Variants in CCNY observed in about 807,000 individuals in gnomAD.
The protein encoded by CCNY is cyclin-Y.
CCNY carries 19 observed loss-of-function variants against 42.8 expected under a neutral mutation model. That is an observed-to-expected ratio of 0.44 (90% confidence interval 0.31 to 0.65). CCNY has a LOEUF of 0.65. CCNY is among the 30% of genes least tolerant of loss of function. The pLI, the probability that CCNY is intolerant of heterozygous loss-of-function variation, is 0.07. For missense variants in CCNY, 370 were observed against 437.3 expected, an observed-to-expected ratio of 0.85 and a Z score of 1.37; for synonymous variants, 165 against 162.7, an observed-to-expected ratio of 1.01 and a Z score of -0.11.
chr10:35,485,990 C>T (rs549251913), intron 2 of CCNY, among the ~76,000 whole-genome samples: 12 of 152,276 alleles, frequency 7.9e-5, no homozygotes, highest in South Asian at 2.1e-4. Context: ...TGTCAACTGT[C>T]GTGTCTAACC....
chr10:35,352,822 G>A (rs1200477794), intron 1 of CCNY, among the ~76,000 whole-genome samples: 1 of 152,096 alleles, frequency 6.6e-6, no homozygotes, highest in African/African-American at 2.4e-5. Flanking sequence ...AAAGAGTGGT[G>A]AAGGGGGTGG....
intron 7 of CCNY, among the ~76,000 whole-genome samples, chr10:35,546,923 G>A (rs772188466): frequency 2.6e-5 from 4 of 152,224 alleles, no homozygotes; most frequent in Non-Finnish European, 4.4e-5. Context: ...AGCGCCTCAT[G>A]TCTGTAAAGG....
chr10:35,528,349 C>T (rs1038634511), intron 5 of CCNY, among the ~76,000 whole-genome samples: 1 of 152,184 alleles, frequency 6.6e-6, no homozygotes. Flanking sequence ...TGTGTCTGTG[C>T]TGCCTGTGTT....
chr10:35,558,621 G>T (rs1841406723), intron 8 of CCNY, among the ~76,000 whole-genome samples: 1 of 152,128 alleles, frequency 6.6e-6, no homozygotes. Context: ...AAATTAAAAT[G>T]GGGTCATTAG....
intron 2 of CCNY, among the ~76,000 whole-genome samples, chr10:35,249,597 T>G (rs2095710409): frequency 1.3e-5 from 2 of 152,232 alleles, no homozygotes; most frequent in Non-Finnish European, 2.9e-5. Flanking sequence ...CCCAAGATAC[T>G]GCTATATTCT....
intron 1 of CCNY, among the ~76,000 whole-genome samples, chr10:35,356,902 C>G (rs923850564): frequency 2.6e-5 from 4 of 152,266 alleles, no homozygotes; most frequent in African/African-American, 9.6e-5. Flanking sequence ...TAAATACATA[C>G]TCCTCCCCGT....
intron 2 of CCNY, among the ~76,000 whole-genome samples, chr10:35,492,043 G>C (rs1006171528): frequency 6.6e-6 from 1 of 152,064 alleles, no homozygotes; most frequent in African/African-American, 2.4e-5. Context: ...CTTCCTGCCT[G>C]GACTCTCGTT....
chr10:35,359,467 C>CA (rs1201990569), intron 1 of CCNY, among the ~76,000 whole-genome samples: 1 of 151,820 alleles, frequency 6.6e-6, no homozygotes, highest in Non-Finnish European at 1.5e-5. Flanking sequence ...AATATAACAT[C>CA]AAATTTACCA....
intron 1 of CCNY, among the ~76,000 whole-genome samples, chr10:35,351,057 C>T (rs115179038): frequency 0.022 from 3,363 of 152,270 alleles, 119 homozygotes; most frequent in African/African-American, 0.076. Context: ...GTCCATATAG[C>T]ACACAACTTT....
upstream of CCNY, among the ~76,000 whole-genome samples, chr10:35,334,521 G>A (rs1014621628): frequency 1.3e-5 from 2 of 151,670 alleles, no homozygotes; most frequent in Non-Finnish European, 2.9e-5. Flanking sequence ...CAGGAAGCAG[G>A]AAAATCTACA....
chr10:35,288,978 A>G (rs1835383236), intron 3 of CCNY, among the ~76,000 whole-genome samples: 2 of 152,206 alleles, frequency 1.3e-5, no homozygotes, highest in Admixed American at 6.5e-5. Context: ...TTCCATTTCA[A>G]AAATCCTTCT....
chr10:35,487,084 T>C (rs908968262), intron 2 of CCNY, among the ~76,000 whole-genome samples: 1 of 152,246 alleles, frequency 6.6e-6, no homozygotes, highest in Non-Finnish European at 1.5e-5. Context: ...CCTGACTGGT[T>C]GAAAGAAGGA....
chr10:35,319,156 G>T (rs1366400169), intron 3 of CCNY, among the ~76,000 whole-genome samples: 1 of 152,118 alleles, frequency 6.6e-6, no homozygotes, highest in African/African-American at 2.4e-5. Context: ...GTAGAGATGA[G>T]GTCTTGCTGT....
At chr10:35,279,542 G>C (rs1192828339) in intron 3 of CCNY, among the ~76,000 whole-genome samples, 3 of 152,152 alleles carry the variant, frequency 2.0e-5, no homozygotes, top group East Asian at 3.8e-4. Flanking sequence ...AAGGGTTAAG[G>C]GTGGAAAATA....
At chr10:35,358,139 C>A (rs2504360) in intron 1 of CCNY, among the ~76,000 whole-genome samples, 150,408 of 152,046 alleles carry the variant, frequency 0.99, 74,394 homozygotes, top group Middle Eastern at 1. Context: ...GTATGGATGT[C>A]ATACTTCCCT....
chr10:35,296,550 C>T (rs113341802), intron 3 of CCNY, among the ~76,000 whole-genome samples: 22 of 151,966 alleles, frequency 1.4e-4, no homozygotes, highest in African/African-American at 4.1e-4. Context: ...CACAGCACTC[C>T]GGCCTGGGCC....
intron 1 of CCNY, among the ~76,000 whole-genome samples, chr10:35,356,740 A>G (rs1288418580): frequency 1.3e-5 from 2 of 152,328 alleles, no homozygotes; most frequent in South Asian, 2.1e-4. Flanking sequence ...AGATGCAACA[A>G]GTTTTTCTAG....
chr10:35,537,076 ACTTGGTGCC>A (rs1840901514), intron 7 of CCNY, among the ~76,000 whole-genome samples: 1 of 152,186 alleles, frequency 6.6e-6, no homozygotes, highest in African/African-American at 2.4e-5. Context: ...CAGTCTAGGG[ACTTGGTGCC>A]CTGCATCCCA....
intron 3 of CCNY, among the ~76,000 whole-genome samples, chr10:35,256,320 C>T (rs950685271): frequency 5.9e-5 from 9 of 152,086 alleles, no homozygotes; most frequent in African/African-American, 1.9e-4. Context: ...TATAGTGGAA[C>T]ATCTAAGTTA....
Sources: allele counts gnomAD v4.1 joint callset (sites outside exome capture counted in the v4.1 genomes callset), GRCh38; gene constraint gnomAD v4.1.1; transcripts MANE v1.5; gene names NCBI Gene and HGNC (gene_info 2026-07-23, HGNC 2026-07-21).